Variants in SYNGR1 observed in about 807,000 individuals in gnomAD.
SYNGR1 encodes the protein synaptogyrin-1.
SYNGR1 carries 14 observed loss-of-function variants against 26.1 expected under a neutral mutation model. The ratio of observed to expected loss-of-function variants is 0.54; its 90% CI spans 0.35 to 0.84. SYNGR1 has a LOEUF of 0.84. SYNGR1 is among the 40% of genes least tolerant of loss of function. The pLI, the probability that SYNGR1 is intolerant of heterozygous loss-of-function variation, is 0.01. For synonymous variants in SYNGR1, 141 were observed against 150.1 expected, an observed-to-expected ratio of 0.94 and a Z score of 0.44; for missense variants, 319 against 332.9, an observed-to-expected ratio of 0.96 and a Z score of 0.33.
Position 39,384,103 on chromosome 22 carries a change from G to A in SYNGR1, c.*2189G>A, listed in dbSNP as rs937239420. On this transcript the variant is annotated 3_prime_UTR_variant, in exon 4 of 4. Coordinates refer to ENST00000328933, the MANE Select transcript of SYNGR1 (RefSeq NM_004711.5). ...GCCAAAGGTGAGGGCGTGAGTGAGG[G>A]CAGGAGTGTTTATGGCAGAGTGAAG... is the stretch of plus-strand genomic sequence containing the variant. The A allele has an allele frequency of 2.5e-5, 4 of 159,752 alleles. No individual in the cohort carries two copies. The highest frequency in any genetic ancestry group is 9.6e-5 in the African/African-American group (4 of 41,786). 9.9% of individuals were successfully genotyped at this position (159,752 alleles called of 1,614,324 possible).
At chr22:39,364,225 T>C in intron 1 of SYNGR1, 1 of 1,613,876 alleles carries the variant, frequency 6.2e-7, no homozygotes, top group Non-Finnish European at 8.5e-7. Flanking sequence ...GATTCTGGAA[T>C]TCGATCCTTC....
Position 39,381,980 on chromosome 22 carries a change from C to T in SYNGR1, c.*66C>T. ...CCTCTCTCCACACCCAGCCCCTGCT[C>T]CTGCCCAGGCTGCCCTGCCCAGCGC... On this transcript the variant is annotated 3_prime_UTR_variant, in exon 4 of 4. Transcript: ENST00000328933. 5.3e-6 allele frequency: 8 copies of T among 1,512,018 alleles called. No individual in the cohort carries two copies. The highest frequency in any genetic ancestry group is 7.1e-6 in the Non-Finnish European group (8 of 1,119,828). The allele number at this position is 1,512,018 out of a possible 1,614,324, so 93.7% of individuals were successfully genotyped here.
At chr22:39,362,309 G>A (rs939468288) in intron 1 of SYNGR1, among the ~76,000 whole-genome samples, 1 of 152,130 alleles carries the variant, frequency 6.6e-6, no homozygotes, top group Non-Finnish European at 1.5e-5. Context: ...GCCCTGCCCA[G>A]CGGAGTCCAC....
At chr22:39,355,507 G>T (rs565329223) in intron 1 of SYNGR1, among the ~76,000 whole-genome samples, 1 of 152,204 alleles carries the variant, frequency 6.6e-6, no homozygotes, top group African/African-American at 2.4e-5. Flanking sequence ...CAAGGAGACC[G>T]CTGGGAGGTG....
chr22:39,350,085 C>T lies in SYNGR1; in HGVS notation c.75C>T (p.His25=), dbSNP rs2145600781. 6.8e-7 allele frequency: 1 copy of T among 1,469,626 alleles called. No homozygotes were observed. Among genetic ancestry groups the T allele is most frequent in the East Asian group, 3.0e-5 (1 of 33,014 alleles). 91.0% of individuals were successfully genotyped at this position (1,469,626 alleles called of 1,614,324 possible). A position where few individuals can be genotyped will look rare whatever the true frequency, so the allele number is the denominator to read the frequency against. The change falls in exon 1 of 4, where the codon CAC becomes CAT. Residue 25 remains histidine (H), a synonymous_variant. Coordinates refer to ENST00000328933, the MANE Select transcript of SYNGR1 (RefSeq NM_004711.5). The surrounding 1 kb of genome is among the most constrained non-coding windows in gnomAD (Gnocchi z 4.3). ...CCTACACCCTGGTCCGGCAGCCGCA[C>T]ACCATCCTGCGCGTCGTGTCTTGGG... is the stretch of plus-strand genomic sequence containing the variant. ...FDPYTLVRQP[H]TILRVVSWLF... is the part of the protein sequence containing the mutation.
intron 2 of SYNGR1, chr22:39,375,517 G>A (rs925584302): frequency 1.3e-5 from 3 of 223,840 alleles, no homozygotes; most frequent in East Asian, 1.0e-4. Context: ...CTGTGGGGTC[G>A]CAGCACGTTA....
chr22:39,371,343 G>T (rs1925008325), intron 1 of SYNGR1, among the ~76,000 whole-genome samples: 1 of 152,124 alleles, frequency 6.6e-6, no homozygotes, highest in Non-Finnish European at 1.5e-5. Flanking sequence ...GGATGTGGTG[G>T]CGCATGCCTG....
At position 39,381,842 on chromosome 22, in the gene SYNGR1, G is replaced by C; in HGVS notation, c.630G>C (p.Met210Ile). ...CCACTGGGCCGGATCCCGCCGGTAT[G>C]GGCGGCACCTACCAGCAGCCGGCCA... Reference protein sequence around the residue: ...VEPTGPDPAGMGGTYQQPANT... With the variant: ...VEPTGPDPAGIGGTYQQPANT... The change falls in exon 4 of 4, where the codon ATG becomes ATC. Residue 210 changes from methionine (M) to isoleucine (I), a missense_variant. Transcript: ENST00000328933. 1 of 1,612,960 alleles carries C rather than the reference G, an allele frequency of 6.2e-7. No individual in the cohort carries two copies. The highest frequency in any genetic ancestry group is 8.5e-7 in the Non-Finnish European group (1 of 1,179,890).
chr22:39,363,813 C>A lies in SYNGR1; in HGVS notation c.100-10503C>A, dbSNP rs574475664. Among the ~76,000 whole-genome samples the A allele has an allele frequency of 7.9e-5, 12 of 152,226 alleles. No homozygotes were observed. The South Asian group carries it at 2.5e-3, about 32-fold the overall frequency. The stretch of plus-strand genomic sequence containing the variant: ...ACCGCAGGGCAGGGACCAGGGCTCC[C>A]CCGAGCCACCCAGCTCAGGGATGTT... On this transcript the variant is annotated intron_variant, in intron 1 of 3. Coordinates refer to ENST00000328933, the MANE Select transcript of SYNGR1 (RefSeq NM_004711.5).
chr22:39,378,080 C>T, intron 3 of SYNGR1: 1 of 1,182,620 alleles, frequency 8.5e-7, no homozygotes, highest in Non-Finnish European at 1.1e-6. Flanking sequence ...TTCATGGTCC[C>T]CATTGCTGAG....
intron 1 of SYNGR1, among the ~76,000 whole-genome samples, chr22:39,371,895 T>C (rs1277036669): frequency 6.6e-6 from 1 of 152,194 alleles, no homozygotes; most frequent in Non-Finnish European, 1.5e-5. Context: ...AACTGTCTTA[T>C]CTGCAAAATG....
chr22:39,367,364 G>A (rs1235948204), intron 1 of SYNGR1, among the ~76,000 whole-genome samples: 3 of 152,246 alleles, frequency 2.0e-5, no homozygotes, highest in Admixed American at 2.0e-4. Flanking sequence ...AGCTCAGCCT[G>A]TAGCAGGCGG....
intron 1 of SYNGR1, among the ~76,000 whole-genome samples, chr22:39,351,027 A>C (rs1923883605): frequency 6.6e-6 from 1 of 152,176 alleles, no homozygotes; most frequent in African/African-American, 2.4e-5. Flanking sequence ...GGTCAGAGAC[A>C]GTGAGCACAG....
chr22:39,383,407 C>T lies in SYNGR1; in HGVS notation c.*1493C>T, dbSNP rs983167531. ...GGTGACCCAAAGGCCCAAAGAGGGC[C>T]GTGGGGCCTGAGGAGGTCATAATCT... On this transcript the variant is annotated 3_prime_UTR_variant, in exon 4 of 4. Transcript: ENST00000328933. 1.3e-5 allele frequency: 2 copies of T among 152,514 alleles called. No homozygotes were observed. The highest frequency in any genetic ancestry group is 4.8e-5 in the African/African-American group (2 of 41,454). The allele number at this position is 152,514 out of a possible 1,614,324, so 9.4% of individuals were successfully genotyped here.
At chr22:39,358,740 C>T (rs1450513472) in intron 1 of SYNGR1, among the ~76,000 whole-genome samples, 2 of 152,130 alleles carry the variant, frequency 1.3e-5, no homozygotes, top group African/African-American at 2.4e-5. Context: ...AGAGGGTCCG[C>T]GGCTTCATTC....
At chr22:39,362,177 G>GC (rs1321063433) in intron 1 of SYNGR1, among the ~76,000 whole-genome samples, 1 of 151,992 alleles carries the variant, frequency 6.6e-6, no homozygotes, top group Non-Finnish European at 1.5e-5. Context: ...AGGCTCCAAG[G>GC]CCCCCTTGAG....
rs908181690 is a variant in SYNGR1 at position 39,384,240 on chromosome 22, T to A, written c.*2326T>A. ...GACCTCAGGGTACTGCCCATCTGTT[T>A]CTCCTCGGGTGCCAGCCAGCTGCTG... On this transcript the variant is annotated 3_prime_UTR_variant, in exon 4 of 4. Transcript: ENST00000328933. 3 of 324,022 alleles carry A rather than the reference T, an allele frequency of 9.3e-6. No homozygotes were observed. Among genetic ancestry groups the A allele is most frequent in the East Asian group, 4.7e-5 (1 of 21,314 alleles). The allele number at this position is 324,022 out of a possible 1,614,324, so 20.1% of individuals were successfully genotyped here.
At chr22:39,351,036 A>G (rs6001550) in intron 1 of SYNGR1, among the ~76,000 whole-genome samples, 96 of 152,292 alleles carry the variant, frequency 6.3e-4, no homozygotes, top group African/African-American at 2.3e-3. Flanking sequence ...CAGTGAGCAC[A>G]GAGGGAGGGG....
At chr22:39,365,829 CTTTT>C (rs1468734698) in intron 1 of SYNGR1, among the ~76,000 whole-genome samples, 3 of 151,542 alleles carry the variant, frequency 2.0e-5, no homozygotes, top group Admixed American at 2.0e-4. Flanking sequence ...CCCATCTGCT[CTTTT>C]TCTTTTTTTT....
Sources: allele counts gnomAD v4.1 joint callset (sites outside exome capture counted in the v4.1 genomes callset), GRCh38; gene constraint gnomAD v4.1.1; non-coding constraint Gnocchi (gnomAD v3.1); transcripts MANE v1.5; gene names NCBI Gene and HGNC (gene_info 2026-07-23, HGNC 2026-07-21).